Variants in AFG2A observed in about 807,000 individuals in gnomAD.
AFG2A encodes the protein AAA ATPase AFG2A.
chr4:123,192,895 C>T, the AFG2A span, among the ~76,000 whole-genome samples: 81,306 of 152,148 alleles, frequency 0.53, 25,893 homozygotes, highest in Non-Finnish European at 0.69. Context: ...TCATATTCAG[C>T]GTTAACTTTA....
chr4:123,144,575 A>G, the AFG2A span, among the ~76,000 whole-genome samples: 19 of 152,248 alleles, frequency 1.2e-4, no homozygotes, highest in African/African-American at 4.1e-4. Context: ...AGACTGTTGT[A>G]AACCACACAG....
chr4:123,221,662 C>T, the AFG2A span, among the ~76,000 whole-genome samples: 1 of 152,064 alleles, frequency 6.6e-6, no homozygotes, highest in Non-Finnish European at 1.5e-5. Context: ...CAGTGGCTCA[C>T]ACTTGTAATC....
the AFG2A span, among the ~76,000 whole-genome samples, chr4:122,970,698 T>G: frequency 6.6e-6 from 1 of 152,142 alleles, no homozygotes; most frequent in East Asian, 1.9e-4. Flanking sequence ...ATAGCCTAGA[T>G]GTATAGTAGG....
the AFG2A span, among the ~76,000 whole-genome samples, chr4:123,134,130 A>G: frequency 8.6e-5 from 13 of 151,968 alleles, 1 homozygote; most frequent in Admixed American, 3.3e-4. Flanking sequence ...ATGCAGTTCC[A>G]TTGGTTTATT....
the AFG2A span, among the ~76,000 whole-genome samples, chr4:123,091,639 C>T: frequency 7.9e-5 from 12 of 152,116 alleles, no homozygotes; most frequent in African/African-American, 2.9e-4. Context: ...ATGGATTCTT[C>T]TATTTTTTTA....
the AFG2A span, among the ~76,000 whole-genome samples, chr4:123,161,007 A>T: frequency 6.6e-6 from 1 of 152,198 alleles, no homozygotes; most frequent in African/African-American, 2.4e-5. Flanking sequence ...TTTCAGACTG[A>T]GGTTGACCTT....
At chr4:123,056,424 A>G in the AFG2A span, 1 of 1,612,882 alleles carries the variant, frequency 6.2e-7, no homozygotes, top group African/African-American at 1.3e-5. Context: ...GGTGAATCTG[A>G]AAGAGCAGTT....
At chr4:123,226,590 T>C in the AFG2A span, among the ~76,000 whole-genome samples, 6 of 152,348 alleles carry the variant, frequency 3.9e-5, no homozygotes, top group African/African-American at 1.4e-4. Flanking sequence ...AGCTTTTTGA[T>C]GGGCTGCTGG....
At chr4:122,926,790 T>C in the AFG2A span, among the ~76,000 whole-genome samples, 3 of 152,254 alleles carry the variant, frequency 2.0e-5, no homozygotes, top group Non-Finnish European at 4.4e-5. Context: ...ACTTATTTAC[T>C]ACATTTATTC....
the AFG2A span, among the ~76,000 whole-genome samples, chr4:122,984,933 T>C: frequency 2.0e-5 from 3 of 152,068 alleles, no homozygotes; most frequent in African/African-American, 7.3e-5. Flanking sequence ...GGTTATATCC[T>C]TTTCTGGTTT....
chr4:123,023,415 T>G, the AFG2A span, among the ~76,000 whole-genome samples: 1 of 152,072 alleles, frequency 6.6e-6, no homozygotes, highest in Non-Finnish European at 1.5e-5. Context: ...TGTAGAATAT[T>G]TGTTTATTAT....
At chr4:123,205,015 A>C in the AFG2A span, among the ~76,000 whole-genome samples, 1 of 152,258 alleles carries the variant, frequency 6.6e-6, no homozygotes, top group Non-Finnish European at 1.5e-5. Flanking sequence ...ACTCTCTACC[A>C]GTGAGACTGG....
chr4:123,130,312 A>G, the AFG2A span, among the ~76,000 whole-genome samples: 1,825 of 152,320 alleles, frequency 0.012, 14 homozygotes, highest in Non-Finnish European at 0.014. Context: ...ACACGATGCC[A>G]GGTTCAGTTC....
the AFG2A span, among the ~76,000 whole-genome samples, chr4:122,975,773 T>C: frequency 6.6e-6 from 1 of 152,036 alleles, no homozygotes; most frequent in Non-Finnish European, 1.5e-5. Context: ...AAGATAGTCT[T>C]GAACAGAGGC....
chr4:123,023,686 A>G, the AFG2A span, among the ~76,000 whole-genome samples: 1 of 152,048 alleles, frequency 6.6e-6, no homozygotes, highest in Non-Finnish European at 1.5e-5. Context: ...TCTTGTCCAC[A>G]TTGGAAGAAT....
chr4:123,276,926 C>T, the AFG2A span, among the ~76,000 whole-genome samples: 1 of 152,086 alleles, frequency 6.6e-6, no homozygotes, highest in South Asian at 2.1e-4. Context: ...ATGCCTCCAA[C>T]TTTGTTCAGT....
the AFG2A span, among the ~76,000 whole-genome samples, chr4:123,142,659 A>G: frequency 6.6e-6 from 1 of 152,126 alleles, no homozygotes; most frequent in South Asian, 2.1e-4. Flanking sequence ...AGAGAATGGT[A>G]GTTCTTTAGA....
the AFG2A span, among the ~76,000 whole-genome samples, chr4:122,949,328 A>T: frequency 6.6e-5 from 10 of 152,178 alleles, no homozygotes; most frequent in Non-Finnish European, 2.9e-5. Flanking sequence ...ACCAGGCGGA[A>T]AATATGCCAT....
chr4:123,244,502 G>A, the AFG2A span, among the ~76,000 whole-genome samples: 2 of 152,178 alleles, frequency 1.3e-5, no homozygotes, highest in Admixed American at 6.5e-5. Context: ...CAGTCCTGTG[G>A]TGCCCGTTCA....
Sources: gnomAD v4.1 joint callset for allele counts (sites outside exome capture counted in the v4.1 genomes callset) on GRCh38, gnomAD v4.1.1 for gene constraint, MANE v1.5 for transcripts, NCBI Gene and HGNC (gene_info 2026-07-23, HGNC 2026-07-21) for gene names.